Variants in MCC observed in about 807,000 individuals in gnomAD.
MCC encodes the protein MCC regulator of Wnt signaling pathway, also known as colorectal mutant cancer protein.
In MCC, 90 loss-of-function variants were observed where a neutral mutation model predicts 116.2. The ratio of observed to expected loss-of-function variants is 0.77; its 90% CI spans 0.65 to 0.92. The LOEUF is 0.92. Among genes scored for constraint, MCC ranks in the 40% least tolerant of loss-of-function variants. MCC has a pLI of 0.00. For missense variants in MCC, 1,516 were observed against 1,312.2 expected, an observed-to-expected ratio of 1.16 and a Z score of -2.40; for synonymous variants, 578 against 510.5, an observed-to-expected ratio of 1.13 and a Z score of -1.78.
At chr5:113,280,759 G>T (rs145530744) in intron 3 of MCC, among the ~76,000 whole-genome samples, 25 of 152,306 alleles carry the variant, frequency 1.6e-4, no homozygotes, top group African/African-American at 6.0e-4. Context: ...CAAGACCTGT[G>T]ATTCTCCTTT....
At chr5:113,398,920 G>A (rs1005868149) in intron 1 of MCC, among the ~76,000 whole-genome samples, 2 of 152,220 alleles carry the variant, frequency 1.3e-5, no homozygotes, top group Non-Finnish European at 2.9e-5. Context: ...GTCTTGAACT[G>A]TACTGTTCAA....
intron 3 of MCC, among the ~76,000 whole-genome samples, chr5:113,217,301 T>C (rs1200460614): frequency 6.6e-6 from 1 of 152,220 alleles, no homozygotes. Context: ...TAAATTGTCT[T>C]TTCCTGATAG....
intron 3 of MCC, among the ~76,000 whole-genome samples, chr5:113,232,531 G>C (rs189930612): frequency 1.2e-3 from 176 of 152,168 alleles, no homozygotes; most frequent in African/African-American, 4.0e-3. Context: ...AAAAAGCTGA[G>C]ATCAGAGACT....
intron 3 of MCC, among the ~76,000 whole-genome samples, chr5:113,225,761 G>T (rs1023193235): frequency 7.2e-5 from 11 of 152,204 alleles, no homozygotes; most frequent in Non-Finnish European, 1.3e-4. Context: ...GAAGCAGTGA[G>T]AACAATGGAA....
chr5:113,117,005 C>T (rs1581097039), intron 6 of MCC, among the ~76,000 whole-genome samples: 3 of 152,228 alleles, frequency 2.0e-5, no homozygotes, highest in South Asian at 2.1e-4. Context: ...TAGAGTACAA[C>T]TTTCAGTCCG....
At chr5:113,376,462 TATA>T (rs1485275511) in intron 2 of MCC, among the ~76,000 whole-genome samples, 2 of 152,242 alleles carry the variant, frequency 1.3e-5, no homozygotes, top group African/African-American at 4.8e-5. Context: ...ATGCACAAGA[TATA>T]ATGAAAACAC....
intron 2 of MCC, among the ~76,000 whole-genome samples, chr5:113,344,449 C>T (rs1350845845): frequency 5.9e-5 from 9 of 151,920 alleles, no homozygotes; most frequent in Non-Finnish European, 5.9e-5. Context: ...AGACATCACC[C>T]GGGTTGGCTA....
intron 3 of MCC, among the ~76,000 whole-genome samples, chr5:113,233,434 A>T (rs1486978726): frequency 6.6e-6 from 1 of 152,220 alleles, no homozygotes; most frequent in Non-Finnish European, 1.5e-5. Context: ...CAAGGTATTC[A>T]TACTACCTGC....
intron 5 of MCC, among the ~76,000 whole-genome samples, chr5:113,127,597 G>C (rs1758137583): frequency 1.3e-5 from 2 of 152,146 alleles, no homozygotes; most frequent in African/African-American, 2.4e-5. Flanking sequence ...TTTCTCTAAT[G>C]AGCAGCAATA....
At chr5:113,469,549 A>C (rs1313555315) in intron 1 of MCC, among the ~76,000 whole-genome samples, 1 of 152,162 alleles carries the variant, frequency 6.6e-6, no homozygotes, top group Non-Finnish European at 1.5e-5. Context: ...TCTGAGAGAC[A>C]GTTTGTTATA....
At chr5:113,072,201 G>C (rs973856361) in intron 11 of MCC, among the ~76,000 whole-genome samples, 1 of 152,180 alleles carries the variant, frequency 6.6e-6, no homozygotes, top group African/African-American at 2.4e-5. Context: ...GAAATGTTAA[G>C]GGGTTTGGAA....
At chr5:113,333,155 C>T (rs1320563620) in intron 3 of MCC, among the ~76,000 whole-genome samples, 1 of 151,646 alleles carries the variant, frequency 6.6e-6, no homozygotes, top group Non-Finnish European at 1.5e-5. Flanking sequence ...AAAAAGAAGA[C>T]CTCTGTCTCT....
intron 6 of MCC, among the ~76,000 whole-genome samples, chr5:113,117,925 C>A (rs1757486968): frequency 6.6e-6 from 1 of 152,222 alleles, no homozygotes; most frequent in Non-Finnish European, 1.5e-5. Flanking sequence ...CCCATCAGCC[C>A]TAGAGACCTC....
chr5:113,089,594 C>T (rs7714010), intron 8 of MCC, among the ~76,000 whole-genome samples: 69,599 of 152,142 alleles, frequency 0.46, 17,497 homozygotes, highest in African/African-American at 0.69. Flanking sequence ...CCTGTACAGA[C>T]GGAAATGTTC....
chr5:113,198,375 T>C (rs1238189529), intron 3 of MCC, among the ~76,000 whole-genome samples: 1 of 151,998 alleles, frequency 6.6e-6, no homozygotes, highest in Non-Finnish European at 1.5e-5. Flanking sequence ...AGGCAGGAAC[T>C]AAATAATATC....
chr5:113,169,272 G>A (rs541561679), intron 3 of MCC, among the ~76,000 whole-genome samples: 153 of 152,168 alleles, frequency 1.0e-3, no homozygotes, highest in Admixed American at 2.4e-3. Context: ...AATTCTAAAG[G>A]AAGCCAAGAA....
chr5:113,088,541 T>C (rs1354602448), intron 8 of MCC, among the ~76,000 whole-genome samples: 3 of 151,640 alleles, frequency 2.0e-5, no homozygotes, highest in Non-Finnish European at 4.4e-5. Context: ...GGGTGGGCCC[T>C]ATGTGCAATG....
chr5:113,023,428 A>T lies in MCC; in HGVS notation c.*3874T>A, dbSNP rs1205931306. Reference sequence around the variant, plus strand: ...TGTATGTTTTCCTGAAAAATTTTATAGTGTTCTACAAAGCCATCACCTTCT... The same window carrying T: ...TGTATGTTTTCCTGAAAAATTTTATTGTGTTCTACAAAGCCATCACCTTCT... On this transcript the variant is annotated 3_prime_UTR_variant, in exon 19 of 19. Coordinates refer to ENST00000408903, the MANE Select transcript of MCC (RefSeq NM_001085377.2). 1 of 152,224 alleles carries T rather than the reference A, an allele frequency of 6.6e-6. No individual in the cohort carries two copies. Among genetic ancestry groups the T allele is most frequent in the Non-Finnish European group, 1.5e-5 (1 of 68,040 alleles). 9.4% of individuals were successfully genotyped at this position (152,224 alleles called of 1,614,324 possible). A position where few individuals can be genotyped will look rare whatever the true frequency, so the allele number is the denominator to read the frequency against.
chr5:113,114,587 C>A (rs111977429), intron 6 of MCC, among the ~76,000 whole-genome samples: 2,315 of 152,300 alleles, frequency 0.015, 66 homozygotes, highest in African/African-American at 0.053. Flanking sequence ...CCCCGCCCCC[C>A]ATCCTATACC....
Sources: gnomAD v4.1 joint callset for allele counts (sites outside exome capture counted in the v4.1 genomes callset) on GRCh38, gnomAD v4.1.1 for gene constraint, MANE v1.5 for transcripts, NCBI Gene and HGNC (gene_info 2026-07-23, HGNC 2026-07-21) for gene names.